The following CDH23 variants were observed in gnomAD, a reference collection of about 807,000 sequenced individuals.
CDH23 encodes the protein cadherin-23.
Under a neutral mutation model 317.1 loss-of-function variants are expected in CDH23, and 189 were observed. The ratio of observed to expected loss-of-function variants is 0.60; its 90% CI spans 0.53 to 0.67. The LOEUF (loss-of-function observed/expected upper bound fraction) is 0.67, where lower values mean the gene tolerates loss of function less well. Among genes scored for constraint, CDH23 ranks in the 30% least tolerant of loss-of-function variants. CDH23 has a pLI of 0.00. For synonymous variants in CDH23, 1,839 were observed against 1,876.8 expected (o/e 0.98, Z 0.52); for missense variants, 4,401 against 4,592.4 (o/e 0.96, Z 1.20).
intron 3 of CDH23, among the ~76,000 whole-genome samples, chr10:71,450,210 T>A (rs1474192435): frequency 1.3e-5 from 2 of 151,558 alleles, no homozygotes. Flanking sequence ...GCCTTTAGCA[T>A]GAGGGACAGG....
chr10:71,751,156 C>A lies in CDH23; in HGVS notation c.4845+9235C>A. The A allele has an allele frequency of 7.0e-7, 1 of 1,418,616 alleles. No individual in the cohort carries two copies. The highest frequency in any genetic ancestry group is 9.6e-7 in the Non-Finnish European group (1 of 1,039,776). 87.9% of individuals were successfully genotyped at this position (1,418,616 alleles called of 1,614,324 possible). ...GAGCCCAGAGCAGGAGGGAGGGAACCAGGGCCGAGGCCAAGGAGGCCACTC... is the reference window on the plus strand; with the variant it reads ...GAGCCCAGAGCAGGAGGGAGGGAACAAGGGCCGAGGCCAAGGAGGCCACTC... On this transcript the variant is annotated intron_variant, in intron 38 of 69. Coordinates refer to ENST00000224721, the MANE Select transcript of CDH23 (RefSeq NM_022124.6). This position sits in a 1 kb window ranked among gnomAD's most constrained non-coding sequence, Gnocchi z 4.9.
intron 2 of CDH23, among the ~76,000 whole-genome samples, chr10:71,440,201 G>A (rs1229835541): frequency 2.0e-5 from 3 of 152,184 alleles, no homozygotes; most frequent in Admixed American, 6.5e-5. Flanking sequence ...TCCTCCTGGG[G>A]TGCAGGGACT....
chr10:71,588,852 C>T (rs938861968), intron 9 of CDH23, among the ~76,000 whole-genome samples: 8 of 152,232 alleles, frequency 5.3e-5, no homozygotes, highest in Admixed American at 2.6e-4. Context: ...GGCACCCTCT[C>T]TAGCCCCTGA....
chr10:71,420,446 A>ATGG (rs1848718210), intron 1 of CDH23, among the ~76,000 whole-genome samples: 1 of 12,628 alleles, frequency 7.9e-5, no homozygotes, highest in Non-Finnish European at 1.6e-4. Context: ...GATGGTCATT[A>ATGG]TGATGGTGAT....
At chr10:71,643,420 G>A (rs1040218106) in intron 11 of CDH23, among the ~76,000 whole-genome samples, 9 of 152,156 alleles carry the variant, frequency 5.9e-5, no homozygotes, top group East Asian at 3.9e-4. Context: ...TAAAAACATG[G>A]GGGTGTTTGG....
At chr10:71,594,723 C>A (rs1021163911) in intron 9 of CDH23, among the ~76,000 whole-genome samples, 4 of 152,156 alleles carry the variant, frequency 2.6e-5, no homozygotes, top group Admixed American at 1.3e-4. Flanking sequence ...GCCTCTTGAC[C>A]TGCAAAGTTT....
intron 3 of CDH23, among the ~76,000 whole-genome samples, chr10:71,489,513 A>G (rs1366472667): frequency 6.6e-6 from 1 of 151,956 alleles, no homozygotes; most frequent in Non-Finnish European, 1.5e-5. Flanking sequence ...TCTATGCCTG[A>G]TAATTGTAAT....
chr10:71,567,970 C>A (rs1022750831), intron 7 of CDH23, among the ~76,000 whole-genome samples: 27 of 152,266 alleles, frequency 1.8e-4, no homozygotes, highest in African/African-American at 6.3e-4. Flanking sequence ...GCCGGCAGCG[C>A]TGGGGGGCTC....
chr10:71,639,122 G>C (rs1161821031), intron 11 of CDH23, among the ~76,000 whole-genome samples: 1 of 152,260 alleles, frequency 6.6e-6, no homozygotes, highest in Non-Finnish European at 1.5e-5. Flanking sequence ...TCCGCAGCCT[G>C]TAGTGGCTGG....
intron 2 of CDH23, among the ~76,000 whole-genome samples, chr10:71,440,956 G>A (rs1484371769): frequency 1.3e-5 from 2 of 152,142 alleles, no homozygotes; most frequent in African/African-American, 4.8e-5. Flanking sequence ...CTAGCGTCCT[G>A]CAGCCTGAGT....
intron 38 of CDH23, 57 bp downstream of exon 38, chr10:71,741,978 C>G: frequency 1.5e-6 from 2 of 1,356,022 alleles, no homozygotes; most frequent in Admixed American, 2.1e-5. Flanking sequence ...GCTCCGCCTC[C>G]GAGTGAGGGG....
intron 1 of CDH23, among the ~76,000 whole-genome samples, chr10:71,422,412 C>T (rs118132297): frequency 6.6e-6 from 1 of 152,340 alleles, no homozygotes; most frequent in East Asian, 1.9e-4. Context: ...CAAAGTGGGT[C>T]AGCAAGACCC....
intron 3 of CDH23, among the ~76,000 whole-genome samples, chr10:71,455,338 C>T (rs1395796153): frequency 6.6e-6 from 1 of 151,748 alleles, no homozygotes; most frequent in African/African-American, 2.4e-5. Flanking sequence ...CAAATTTTAT[C>T]AACTTTCCCA....
chr10:71,788,695 T>C (rs1841163950), intron 44 of CDH23, among the ~76,000 whole-genome samples: 3 of 152,216 alleles, frequency 2.0e-5, no homozygotes, highest in Admixed American at 2.0e-4. Flanking sequence ...GACCTCGTGA[T>C]CTGCCCGTCT....
chr10:71,674,801 A>G (rs1301274035), intron 14 of CDH23, among the ~76,000 whole-genome samples: 2 of 152,222 alleles, frequency 1.3e-5, no homozygotes, highest in Non-Finnish European at 2.9e-5. Flanking sequence ...CCAATATTCC[A>G]AGCCACAAAA....
chr10:71,472,386 C>T (rs952977947), intron 3 of CDH23, among the ~76,000 whole-genome samples: 1 of 152,240 alleles, frequency 6.6e-6, no homozygotes, highest in African/African-American at 2.4e-5. Flanking sequence ...TGGGTCACCA[C>T]ACCGCCCTGT....
rs750880909 is a variant in CDH23, at chr10:71,791,167, C to T, written c.6085C>T (p.Arg2029Trp). 61 of 1,612,088 alleles carry T rather than the reference C, an allele frequency of 3.8e-5. No homozygotes were observed. The East Asian group carries it at 1.0e-3, about 28-fold the overall frequency. Residue 2029 changes from arginine (R) to tryptophan (W), a missense_variant, in exon 47 of 70, where the codon CGG becomes TGG. Coordinates refer to ENST00000224721, the MANE Select transcript of CDH23 (RefSeq NM_022124.6). ...CGTGAGGTCAGGTGTCATCATTGACCGGGAGGCATTCTCGCCACCCATCCT... is the reference window on the plus strand; with the variant it reads ...CGTGAGGTCAGGTGTCATCATTGACTGGGAGGCATTCTCGCCACCCATCCT... ...VTVRSGVIIDREAFSPPILEL... is the reference protein window; with the variant it reads ...VTVRSGVIIDWEAFSPPILEL...
At chr10:71,688,887 G>A (rs960953242) in intron 19 of CDH23, among the ~76,000 whole-genome samples, 2 of 116,158 alleles carry the variant, frequency 1.7e-5, no homozygotes, top group African/African-American at 3.1e-5. Flanking sequence ...GGAGCCAGGG[G>A]TGGTGGAGCC....
At chr10:71,776,654 G>C (rs1454121587) in intron 38 of CDH23, among the ~76,000 whole-genome samples, 1 of 152,166 alleles carries the variant, frequency 6.6e-6, no homozygotes, top group African/African-American at 2.4e-5. Flanking sequence ...CATGTCCAAA[G>C]GGAAAGAAGA....
Sources: gnomAD v4.1 joint callset for allele counts (sites outside exome capture counted in the v4.1 genomes callset) on GRCh38, gnomAD v4.1.1 for gene constraint, Gnocchi (gnomAD v3.1) non-coding constraint, MANE v1.5 for transcripts, NCBI Gene and HGNC (gene_info 2026-07-23, HGNC 2026-07-21) for gene names.